Variants in TRPM3 observed in about 807,000 individuals in gnomAD.
TRPM3 encodes the protein transient receptor potential cation channel subfamily M member 3, also known as long transient receptor potential channel 3.
A neutral mutation model predicts 181.2 loss-of-function variants in TRPM3; 77 were observed. That is an observed-to-expected ratio of 0.42 (90% CI 0.35 to 0.51). The LOEUF (loss-of-function observed/expected upper bound fraction) is 0.51. Ranked by LOEUF, TRPM3 falls within the 20% of genes least tolerant of loss-of-function variation. The pLI is 0.01. For synonymous variants in TRPM3, 745 were observed against 796.4 expected, an observed-to-expected ratio of 0.94 and a Z score of 1.09; for missense variants, 1,759 against 2,196.7, an observed-to-expected ratio of 0.80 and a Z score of 3.98.
intron 1 of TRPM3, among the ~76,000 whole-genome samples, chr9:71,098,308 G>A (rs1327105260): frequency 6.6e-6 from 1 of 152,082 alleles, no homozygotes; most frequent in East Asian, 1.9e-4. Context: ...TTTATTTAGT[G>A]TGTAGGAATT....
intron 1 of TRPM3, among the ~76,000 whole-genome samples, chr9:71,316,496 T>C (rs942762092): frequency 3.3e-5 from 5 of 152,194 alleles, no homozygotes; most frequent in Non-Finnish European, 5.9e-5. Flanking sequence ...TCTTGAACTA[T>C]GCAGGTGGGC....
rs1461593200 is a variant in TRPM3 at position 71,163,245 on chromosome 9, A to G, written c.183+283408T>C. On this transcript the variant is annotated intron_variant, in intron 1 of 24. Transcript: ENST00000357533. ...GAGATTGCAAAGAACATAATCACTC[A>G]GGAGCAGATGTGGTGATTTGGACGA... is the stretch of plus-strand genomic sequence containing the variant. 1.1e-4 allele frequency among the ~76,000 whole-genome samples: 17 copies of G among 152,168 alleles called. 1 individual carries two copies. The highest frequency in any genetic ancestry group is 1.5e-5 in the Non-Finnish European group (1 of 68,040).
Position 70,743,410 on chromosome 9 carries a change from T to C in TRPM3, c.1272+18191A>G, listed in dbSNP as rs1160910047. Among the ~76,000 whole-genome samples, 4 of 152,244 alleles carry C rather than the reference T, an allele frequency of 2.6e-5. No homozygotes were observed. The East Asian group carries it at 7.7e-4, about 29-fold the overall frequency. On this transcript the variant is annotated intron_variant, in intron 8 of 25. Coordinates refer to ENST00000677713, the MANE Select transcript of TRPM3 (RefSeq NM_001366145.2). ...ATACCCTTGGCTTTGTGTTTTATTA[T>C]AATTATTTCATATATATGCAAATGA...
chr9:71,045,474 A>G (rs1487307193), intron 1 of TRPM3, among the ~76,000 whole-genome samples: 4 of 152,180 alleles, frequency 2.6e-5, no homozygotes, highest in Non-Finnish European at 4.4e-5. Flanking sequence ...TCTTTCTCAC[A>G]TGAGTACCCG....
At chr9:71,407,959 G>A (rs1484334043) in intron 1 of TRPM3, among the ~76,000 whole-genome samples, 1 of 152,216 alleles carries the variant, frequency 6.6e-6, no homozygotes, top group African/African-American at 2.4e-5. Context: ...CAGGCAAATA[G>A]GGCCCGGAGT....
chr9:70,913,151 TG>T (rs2096555557), intron 1 of TRPM3, among the ~76,000 whole-genome samples: 1 of 152,224 alleles, frequency 6.6e-6, no homozygotes, highest in Admixed American at 6.5e-5. Context: ...TACAACATTT[TG>T]TTTTCTTTTC....
In TRPM3 at chr9:70,947,665, T is replaced by C. The variant is rs145355902; in HGVS notation, c.178-83154A>G. Among the ~76,000 whole-genome samples, 376 of 152,134 alleles carry C rather than the reference T, an allele frequency of 2.5e-3. 1 individual carries two copies. Among genetic ancestry groups the C allele is most frequent in the African/African-American group, 8.8e-3 (365 of 41,496 alleles). On this transcript the variant is annotated intron_variant, in intron 1 of 25. Coordinates refer to ENST00000677713, the MANE Select transcript of TRPM3 (RefSeq NM_001366145.2). ...AGAAGGTGGGGGGATGGAGAGACAA[T>C]AAGGAAAGCTGCCCTACTTCTGGAG...
At chr9:70,560,886 C>T (rs550735648) in intron 22 of TRPM3, among the ~76,000 whole-genome samples, 44 of 152,190 alleles carry the variant, frequency 2.9e-4, no homozygotes, top group African/African-American at 1.0e-3. Flanking sequence ...AGACACTTGC[C>T]CTGTTGATTT....
chr9:71,259,125 ATGAG>A (rs2082869409), intron 1 of TRPM3, among the ~76,000 whole-genome samples: 1 of 151,702 alleles, frequency 6.6e-6, no homozygotes, highest in African/African-American at 2.4e-5. Context: ...ACTCCCACTT[ATGAG>A]TGAGAACATG....
intron 1 of TRPM3, among the ~76,000 whole-genome samples, chr9:71,184,092 T>A (rs117241890): frequency 1.3e-5 from 2 of 152,118 alleles, no homozygotes; most frequent in African/African-American, 2.4e-5. Context: ...AGATTTTTAA[T>A]GCAAATCTCC....
intron 9 of TRPM3, among the ~76,000 whole-genome samples, chr9:70,671,024 A>T (rs1444318165): frequency 6.6e-6 from 1 of 152,168 alleles, no homozygotes; most frequent in Non-Finnish European, 1.5e-5. Context: ...TTCCGACTCT[A>T]TGCCAGGCAC....
intron 22 of TRPM3, among the ~76,000 whole-genome samples, chr9:70,564,075 G>T (rs2049887310): frequency 6.6e-6 from 1 of 152,312 alleles, no homozygotes; most frequent in Non-Finnish European, 1.5e-5. Context: ...GAAGGGAGGG[G>T]CTGTGAGAAG....
chr9:71,159,685 C>T (rs868669265), intron 1 of TRPM3, among the ~76,000 whole-genome samples: 31 of 152,070 alleles, frequency 2.0e-4, no homozygotes, highest in African/African-American at 7.2e-4. Flanking sequence ...TCTAATGCAA[C>T]GTGGGTATAT....
intron 1 of TRPM3, among the ~76,000 whole-genome samples, chr9:71,090,356 C>A (rs565964938): frequency 2.0e-4 from 30 of 152,324 alleles, no homozygotes; most frequent in African/African-American, 6.0e-4. Context: ...CTGAAACATG[C>A]AGCAACTATT....
chr9:70,850,145 G>A (rs973506875), intron 3 of TRPM3, among the ~76,000 whole-genome samples: 1 of 152,092 alleles, frequency 6.6e-6, no homozygotes, highest in Non-Finnish European at 1.5e-5. Flanking sequence ...TTTTAGGTAA[G>A]TACATTATAT....
At chr9:71,140,656 T>G (rs953275677) in intron 1 of TRPM3, among the ~76,000 whole-genome samples, 4 of 152,312 alleles carry the variant, frequency 2.6e-5, no homozygotes, top group Non-Finnish European at 5.9e-5. Flanking sequence ...TATTCATTCA[T>G]TCATTCATTC....
chr9:71,429,496 C>T (rs1043371293), intron 1 of TRPM3, among the ~76,000 whole-genome samples: 1 of 151,982 alleles, frequency 6.6e-6, no homozygotes, highest in African/African-American at 2.4e-5. Context: ...ACATGGAGTC[C>T]AACATGGGTA....
intron 9 of TRPM3, among the ~76,000 whole-genome samples, chr9:70,679,225 A>G (rs553305994): frequency 2.6e-5 from 4 of 152,348 alleles, no homozygotes; most frequent in South Asian, 4.1e-4. Flanking sequence ...CATATTGTCA[A>G]TGTAAATATT....
chr9:70,763,602 C>T (rs1278884306), intron 7 of TRPM3, among the ~76,000 whole-genome samples: 2 of 152,168 alleles, frequency 1.3e-5, no homozygotes, highest in Non-Finnish European at 2.9e-5. Flanking sequence ...GTGGTCTTAG[C>T]TGTGGACCAG....
Sources: gnomAD v4.1 joint callset for allele counts (sites outside exome capture counted in the v4.1 genomes callset) on GRCh38, gnomAD v4.1.1 for gene constraint, MANE v1.5 for transcripts, NCBI Gene and HGNC (gene_info 2026-07-23, HGNC 2026-07-21) for gene names.